Variants in PBX3 observed in about 807,000 individuals in gnomAD.
PBX3 encodes PBX homeobox 3.
Under a neutral mutation model 48.5 loss-of-function variants are expected in PBX3, and 14 were observed. That is an observed-to-expected ratio of 0.29 (90% CI 0.19 to 0.45). PBX3 has a LOEUF of 0.45. Ranked by LOEUF, PBX3 falls within the 20% of genes least tolerant of loss-of-function variation. PBX3 has a pLI of 1.00. For missense variants in PBX3, 386 were observed against 546.7 expected (o/e 0.71, Z 2.93); for synonymous variants, 210 against 200.3 (o/e 1.05, Z -0.41).
chr9:125,880,154 C>T (rs1840348796), intron 2 of PBX3, among the ~76,000 whole-genome samples: 2 of 152,228 alleles, frequency 1.3e-5, no homozygotes, highest in Non-Finnish European at 2.9e-5. Context: ...AAGCAGTTCT[C>T]CTGCCTCAGC....
rs574295037 is a variant in PBX3, at chr9:125,881,605, TTTA to T, written c.275-34069_275-34067del. On this transcript the variant is annotated intron_variant, in intron 2 of 8. Coordinates refer to ENST00000373489, the MANE Select transcript of PBX3 (RefSeq NM_006195.6). ...TTCCAAATTTTTATTTTTTTACTATTTTATTATTATTATTTTTAATTATTAAAA... is the reference window on the plus strand; with the variant it reads ...TTCCAAATTTTTATTTTTTTACTATTTTATTATTATTTTTAATTATTAAAA... Among the ~76,000 whole-genome samples, 12 of 151,986 alleles carry T rather than the reference TTTA, an allele frequency of 7.9e-5. No homozygotes were observed. The South Asian group carries it at 1.2e-3, about 16-fold the overall frequency.
In PBX3 at chr9:125,803,699, TG is replaced by T. The variant is rs543194231; in HGVS notation, c.274+55077del. Among the ~76,000 whole-genome samples the T allele has an allele frequency of 2.2e-3, 333 of 152,392 alleles. 1 individual carries two copies. The highest frequency in any genetic ancestry group is 7.6e-3 in the African/African-American group (316 of 41,590). ...GATCAAGAGGCATATGATGTCACTTTGTCATATTACTAGTCATACTAACTTT... is the reference window on the plus strand; with the variant it reads ...GATCAAGAGGCATATGATGTCACTTTTCATATTACTAGTCATACTAACTTT... On this transcript the variant is annotated intron_variant, in intron 2 of 8. Transcript: ENST00000373489.
chr9:125,780,962 T>C (rs28750084), intron 2 of PBX3, among the ~76,000 whole-genome samples: 872 of 45,774 alleles, frequency 0.019, 19 homozygotes, highest in African/African-American at 0.059. Context: ...CAGACGGGGT[T>C]GCGGCCGGGC....
intron 2 of PBX3, among the ~76,000 whole-genome samples, chr9:125,880,847 TA>T (rs1383592198): frequency 1.9e-4 from 29 of 152,206 alleles, no homozygotes; most frequent in Non-Finnish European, 1.2e-4. Context: ...TACTAAAAAT[TA>T]AAAGCAAGGT....
chr9:125,942,399 T>A (rs141069416), intron 5 of PBX3, among the ~76,000 whole-genome samples: 1,684 of 152,304 alleles, frequency 0.011, 44 homozygotes, highest in African/African-American at 0.038. Flanking sequence ...TAGTTAGTAG[T>A]CTGAGGTCTC....
intron 8 of PBX3, among the ~76,000 whole-genome samples, chr9:125,963,680 G>A (rs1842476250): frequency 6.6e-6 from 1 of 152,154 alleles, no homozygotes; most frequent in Non-Finnish European, 1.5e-5. Flanking sequence ...CTCTGGAAAA[G>A]GGGGAAGGGG....
rs1046293586 is a variant in PBX3, at chr9:125,759,710, G to A, written c.274+11087G>A. On this transcript the variant is annotated intron_variant, in intron 2 of 8. Coordinates refer to ENST00000373489, the MANE Select transcript of PBX3 (RefSeq NM_006195.6). This position sits in a 1 kb window ranked among gnomAD's most constrained non-coding sequence, Gnocchi z 4.2. ...GTTTGTGGACCGCGTCTGTGAACGCGGCTCATAATTGTTTTTCACACATAA... is the reference window on the plus strand; with the variant it reads ...GTTTGTGGACCGCGTCTGTGAACGCAGCTCATAATTGTTTTTCACACATAA... 3.9e-5 allele frequency among the ~76,000 whole-genome samples: 6 copies of A among 152,128 alleles called. No individual in the cohort carries two copies. The East Asian group carries it at 7.7e-4, about 20-fold the overall frequency.
intron 2 of PBX3, among the ~76,000 whole-genome samples, chr9:125,830,512 T>C (rs1376195130): frequency 6.6e-6 from 1 of 152,168 alleles, no homozygotes; most frequent in Non-Finnish European, 1.5e-5. Context: ...GTGTATCATA[T>C]GTGTTTTTGA....
chr9:125,877,787 A>G (rs952030144), intron 2 of PBX3, among the ~76,000 whole-genome samples: 2 of 152,204 alleles, frequency 1.3e-5, no homozygotes, highest in Non-Finnish European at 2.9e-5. Flanking sequence ...CATCAACAAC[A>G]TCAACAATTA....
intron 3 of PBX3, among the ~76,000 whole-genome samples, chr9:125,921,951 A>G (rs1324965371): frequency 1.3e-5 from 2 of 152,144 alleles, no homozygotes; most frequent in African/African-American, 2.4e-5. Flanking sequence ...TTTAGATCTG[A>G]TCACTGATCA....
chr9:125,919,996 T>A (rs541874933), intron 3 of PBX3, among the ~76,000 whole-genome samples: 1 of 152,368 alleles, frequency 6.6e-6, no homozygotes, highest in African/African-American at 2.4e-5. Flanking sequence ...TCAGATTTAA[T>A]GATTCTTGAT....
chr9:125,748,525 T>C, intron 1 of PBX3, 25 bp from the exon 2 acceptor site: 2 of 1,610,340 alleles, frequency 1.2e-6, no homozygotes, highest in Non-Finnish European at 1.7e-6. Context: ...GCTAATACCT[T>C]TGTGTTTCGT....
intron 2 of PBX3, among the ~76,000 whole-genome samples, chr9:125,778,520 A>G (rs1389657027): frequency 6.8e-6 from 1 of 148,002 alleles, no homozygotes; most frequent in Non-Finnish European, 1.5e-5. Flanking sequence ...GCCTCCCAAA[A>G]TGCTGGGATT....
At chr9:125,780,041 G>C (rs62567218) in intron 2 of PBX3, among the ~76,000 whole-genome samples, 1 of 136,990 alleles carries the variant, frequency 7.3e-6, no homozygotes, top group Admixed American at 7.1e-5. Flanking sequence ...CCTCCCGGAC[G>C]GGGCGGCTGG....
chr9:125,916,084 T>G (rs982003212), intron 3 of PBX3, among the ~76,000 whole-genome samples, 157 bp downstream of exon 3: 1 of 152,204 alleles, frequency 6.6e-6, no homozygotes, highest in Non-Finnish European at 1.5e-5. Context: ...GTTGGATTCA[T>G]GAAAGGAAGA....
chr9:125,960,550 T>A (rs932099720), intron 5 of PBX3, 134 bp from the exon 6 acceptor site: 5 of 715,584 alleles, frequency 7.0e-6, no homozygotes, highest in African/African-American at 1.8e-5. Context: ...TTATGCATGA[T>A]CCATAGGATG....
chr9:125,879,298 C>T (rs936517923), intron 2 of PBX3, among the ~76,000 whole-genome samples: 1 of 151,940 alleles, frequency 6.6e-6, no homozygotes. Flanking sequence ...AACCTGATCT[C>T]GATCGAACTC....
At chr9:125,830,135 A>G (rs1021306630) in intron 2 of PBX3, among the ~76,000 whole-genome samples, 1 of 152,232 alleles carries the variant, frequency 6.6e-6, no homozygotes, top group Admixed American at 6.5e-5. Context: ...TTTATTTACA[A>G]AAGCGTTATT....
intron 2 of PBX3, among the ~76,000 whole-genome samples, chr9:125,823,835 G>A (rs933394243): frequency 2.0e-5 from 3 of 152,150 alleles, no homozygotes; most frequent in African/African-American, 4.8e-5. Context: ...CAGCACTTTG[G>A]GAGGCTGAGG....
Sources: allele counts gnomAD v4.1 joint callset (sites outside exome capture counted in the v4.1 genomes callset), GRCh38; gene constraint gnomAD v4.1.1; non-coding constraint Gnocchi (gnomAD v3.1); transcripts MANE v1.5; gene names NCBI Gene and HGNC (gene_info 2026-07-23, HGNC 2026-07-21).